NCKAP1L: variants seen among roughly 807,000 people sequenced by gnomAD.
NCKAP1L encodes the protein NCK associated protein 1 like.
Under a neutral mutation model 139.2 loss-of-function variants are expected in NCKAP1L, and 53 were observed. The ratio of observed to expected loss-of-function variants is 0.38; its 90% CI spans 0.31 to 0.48. NCKAP1L has a LOEUF of 0.48. Among genes scored for constraint, NCKAP1L ranks in the 20% least tolerant of loss-of-function variants. NCKAP1L has a pLI of 0.98. For synonymous variants in NCKAP1L, 468 were observed against 499.7 expected, an observed-to-expected ratio of 0.94 and a Z score of 0.85; for missense variants, 1,151 against 1,381.9, an observed-to-expected ratio of 0.83 and a Z score of 2.65.
At chr12:54,514,155 T>A (rs953767883) in intron 9 of NCKAP1L, among the ~76,000 whole-genome samples, 2 of 152,204 alleles carry the variant, frequency 1.3e-5, no homozygotes, top group African/African-American at 4.8e-5. Flanking sequence ...GACTTATTAT[T>A]TTTAACAGTT....
chr12:54,535,322 G>A, intron 27 of NCKAP1L, 125 bp downstream of exon 27: 1 of 660,034 alleles, frequency 1.5e-6, no homozygotes, highest in Non-Finnish European at 2.6e-6. Flanking sequence ...TAAGCTGGGA[G>A]TGAAGGAAGG....
At chr12:54,536,530 GGCCTGT>G (rs1957114225) in intron 28 of NCKAP1L, 6 of 340,406 alleles carry the variant, frequency 1.8e-5, no homozygotes, top group Non-Finnish European at 3.3e-5. Context: ...TGGGCAGGGT[GGCCTGT>G]AGTCCCAGCT....
chr12:54,523,305 C>T (rs1957000394), intron 18 of NCKAP1L, 89 bp from the exon 19 acceptor site: 1 of 1,424,308 alleles, frequency 7.0e-7, no homozygotes, highest in African/African-American at 1.4e-5. Flanking sequence ...AAATAACAGA[C>T]AACAATGGAC....
chr12:54,506,050 T>C (rs1437986262), intron 3 of NCKAP1L, among the ~76,000 whole-genome samples: 3 of 152,270 alleles, frequency 2.0e-5, no homozygotes, highest in Non-Finnish European at 4.4e-5. Flanking sequence ...GAGTTGTTTC[T>C]AGTTTTAGGC....
At chr12:54,508,563 TC>T (rs757148626) in intron 5 of NCKAP1L, 32 bp downstream of exon 5, 6 of 1,609,450 alleles carry the variant, frequency 3.7e-6, no homozygotes, top group African/African-American at 1.3e-5. Flanking sequence ...ATATGAAGAG[TC>T]TCATACATGG....
intron 20 of NCKAP1L, 132 bp downstream of exon 20, chr12:54,524,088 G>A: frequency 1.0e-6 from 1 of 956,924 alleles, no homozygotes; most frequent in Non-Finnish European, 1.6e-6. Flanking sequence ...ACACGGTGGA[G>A]ATTCTGTTGC....
intron 16 of NCKAP1L, 115 bp from the exon 17 acceptor site, chr12:54,520,579 C>T: frequency 9.8e-7 from 1 of 1,020,716 alleles, no homozygotes; most frequent in East Asian, 2.4e-5. Context: ...TGAATATCCT[C>T]TCCGCCTCAA....
rs995039622 is a variant in NCKAP1L at position 54,506,808 on chromosome 12, T to A, written c.307-1045T>A. ...ATTAAAAAAAAAAAATATATATATA[T>A]ATATATATATATATATTCCTTAATC... On this transcript the variant is annotated intron_variant, in intron 3 of 30. Transcript: ENST00000293373. Among the ~76,000 whole-genome samples the A allele has an allele frequency of 5.9e-5, 8 of 134,556 alleles. 1 individual carries two copies. The highest frequency in any genetic ancestry group is 2.3e-4 in the East Asian group (1 of 4,344). 88.3% of individuals were successfully genotyped at this position (134,556 alleles called of 152,430 possible).
chr12:54,535,428 T>C (rs927138117), intron 27 of NCKAP1L, among the ~76,000 whole-genome samples: 16 of 152,242 alleles, frequency 1.1e-4, no homozygotes, highest in Non-Finnish European at 1.0e-4. Flanking sequence ...CTAGTTGATC[T>C]ACCGGTCAGC....
chr12:54,523,430 G>A lies in NCKAP1L; in HGVS notation c.1915G>A (p.Ala639Thr). The A allele has an allele frequency of 6.2e-7, 1 of 1,614,108 alleles. No individual in the cohort carries two copies. Among genetic ancestry groups the A allele is most frequent in the Non-Finnish European group, 8.5e-7 (1 of 1,180,032 alleles). ...GCACTGTGCCACTACAATCAGCAAA[G>A]CCAAGAACAAGAAAACCAGGAAGCA... ...PKHCATTISK[A>T]KNKKTRKQRQ... The change falls in exon 19 of 31, where the codon GCC becomes ACC. Residue 639 changes from alanine to threonine, a missense_variant. Transcript: ENST00000293373.
intron 18 of NCKAP1L, among the ~76,000 whole-genome samples, chr12:54,522,578 T>C (rs1032460698): frequency 6.6e-6 from 1 of 152,210 alleles, no homozygotes; most frequent in African/African-American, 2.4e-5. Flanking sequence ...AATCTCAGGG[T>C]TGACACATCT....
chr12:54,514,967 C>T (rs1442457017), intron 9 of NCKAP1L, among the ~76,000 whole-genome samples: 4 of 152,206 alleles, frequency 2.6e-5, no homozygotes, highest in African/African-American at 7.2e-5. Flanking sequence ...CAGCAACTAA[C>T]TTGTGTGATT....
intron 2 of NCKAP1L, among the ~76,000 whole-genome samples, chr12:54,499,911 C>T (rs1281648635): frequency 1.3e-5 from 2 of 152,096 alleles, no homozygotes; most frequent in African/African-American, 2.4e-5. Flanking sequence ...TCTTTGAATT[C>T]TGTTTCTTTT....
intron 17 of NCKAP1L, 96 bp downstream of exon 17, chr12:54,520,922 G>T (rs1361767727): frequency 9.0e-6 from 14 of 1,548,360 alleles, no homozygotes; most frequent in Admixed American, 3.4e-5. Context: ...CCCAGAAAGG[G>T]TATAAACATA....
At position 54,537,008 on chromosome 12, in the gene NCKAP1L, G is replaced by A. The variant is rs377644242; in HGVS notation, c.3138G>A (p.Thr1046=). The A allele has an allele frequency of 2.4e-5, 39 of 1,613,524 alleles. No homozygotes were observed. Among genetic ancestry groups the A allele is most frequent in the Non-Finnish European group, 3.2e-5 (38 of 1,179,730 alleles). ...TCCAGGTGTCTGCTGCCCTCTTCAC[G>A]CTCTACAACAAGAACATTGAAACTC... ...AIIQVSAALF[T]LYNKNIETHL... is the part of the protein sequence containing the mutation. The change falls in exon 29 of 31, where the codon ACG becomes ACA. Residue 1046 remains threonine (T), a synonymous_variant. Transcript: ENST00000293373.
At chr12:54,511,061 A>G (rs945390892) in intron 7 of NCKAP1L, among the ~76,000 whole-genome samples, 1 of 152,218 alleles carries the variant, frequency 6.6e-6, no homozygotes, top group Non-Finnish European at 1.5e-5. Flanking sequence ...TAGTCACAAA[A>G]ATACAACTGA....
At chr12:54,527,711 G>A (rs1204127684) in intron 21 of NCKAP1L, among the ~76,000 whole-genome samples, 1 of 152,220 alleles carries the variant, frequency 6.6e-6, no homozygotes, top group South Asian at 2.1e-4. Context: ...CAGACCCAGA[G>A]CAAGTGCCTG....
In NCKAP1L at chr12:54,544,590, A is replaced by T. The variant is rs563606764; in HGVS notation, c.*1905A>T. The T allele has an allele frequency of 1.3e-5, 2 of 152,026 alleles. No homozygotes were observed. Among genetic ancestry groups the T allele is most frequent in the Non-Finnish European group, 2.9e-5 (2 of 68,000 alleles). The allele number at this position is 152,026 out of a possible 1,614,324, so 9.4% of individuals were successfully genotyped here. The stretch of plus-strand genomic sequence containing the variant: ...GATATAATCTACTGATCTTGTTCAG[A>T]TTTCCTTCCCCAGTTTTGCTTATGT... On this transcript the variant is annotated 3_prime_UTR_variant, in exon 31 of 31. Transcript: ENST00000293373.
intron 21 of NCKAP1L, among the ~76,000 whole-genome samples, 156 bp from the exon 22 acceptor site, chr12:54,528,091 T>C (rs967983225): frequency 2.0e-5 from 3 of 152,012 alleles, no homozygotes; most frequent in African/African-American, 7.3e-5. Context: ...CAGCTTGGGG[T>C]GTTAATTAGA....
Sources: allele counts gnomAD v4.1 joint callset (sites outside exome capture counted in the v4.1 genomes callset), GRCh38; gene constraint gnomAD v4.1.1; transcripts MANE v1.5; gene names NCBI Gene and HGNC (gene_info 2026-07-23, HGNC 2026-07-21).